The following DPYD variants were observed in gnomAD, a reference collection of about 807,000 sequenced individuals.
DPYD encodes the protein dihydropyrimidine dehydrogenase [NADP(+)].
DPYD carries 109 observed loss-of-function variants against 116.2 expected under a neutral mutation model. The observed-to-expected ratio is 0.94, with a 90% CI of 0.80 to 1.10. The LOEUF (loss-of-function observed/expected upper bound fraction) is 1.10. Among genes scored for constraint, DPYD ranks in the 50% least tolerant of loss-of-function variants. DPYD has a pLI of 0.00. For missense variants in DPYD, 1,302 were observed against 1,254.5 expected, an observed-to-expected ratio of 1.04 and a Z score of -0.57; for synonymous variants, 440 against 432.0, an observed-to-expected ratio of 1.02 and a Z score of -0.23.
At chr1:97,769,568 C>T (rs930457162) in intron 3 of DPYD, among the ~76,000 whole-genome samples, 1 of 152,096 alleles carries the variant, frequency 6.6e-6, no homozygotes, top group South Asian at 2.1e-4. Flanking sequence ...AGGACAAGAT[C>T]TCAGAACTAG....
intron 2 of DPYD, among the ~76,000 whole-genome samples, chr1:97,876,256 G>A (rs1020328136): frequency 5.3e-5 from 8 of 152,052 alleles, no homozygotes; most frequent in African/African-American, 1.9e-4. Context: ...CATCTGGGTC[G>A]CTACTGCGGT....
chr1:97,839,163 C>T (rs374434016), intron 2 of DPYD, among the ~76,000 whole-genome samples: 10 of 152,296 alleles, frequency 6.6e-5, no homozygotes, highest in African/African-American at 1.9e-4. Flanking sequence ...TATTAACCTT[C>T]CTTCCTTTCA....
intron 3 of DPYD, among the ~76,000 whole-genome samples, chr1:97,766,296 A>C (rs1259055020): frequency 1.3e-5 from 2 of 152,048 alleles, no homozygotes; most frequent in Non-Finnish European, 2.9e-5. Flanking sequence ...AAGATAATAT[A>C]CCTAATGGAT....
chr1:97,391,224 G>A (rs997415249), intron 14 of DPYD, among the ~76,000 whole-genome samples: 2 of 151,820 alleles, frequency 1.3e-5, no homozygotes, highest in Non-Finnish European at 2.9e-5. Context: ...TCTCGAAAGT[G>A]TATACCTCTA....
At chr1:97,298,455 T>C (rs1438690552) in intron 18 of DPYD, among the ~76,000 whole-genome samples, 2 of 152,182 alleles carry the variant, frequency 1.3e-5, no homozygotes, top group African/African-American at 4.8e-5. Context: ...GTTTACAAGT[T>C]AAATAAAAAT....
At chr1:97,801,941 CTT>C (rs1366970904) in intron 3 of DPYD, among the ~76,000 whole-genome samples, 2 of 151,642 alleles carry the variant, frequency 1.3e-5, no homozygotes, top group East Asian at 3.9e-4. Flanking sequence ...TTCATACAAA[CTT>C]AACATATCTC....
chr1:97,903,406 T>C (rs1041481002), intron 1 of DPYD, among the ~76,000 whole-genome samples: 2 of 151,918 alleles, frequency 1.3e-5, no homozygotes, highest in African/African-American at 2.4e-5. Flanking sequence ...TAGAAACGTA[T>C]GTAAATGGTG....
chr1:97,563,364 G>A (rs977459446), intron 11 of DPYD, among the ~76,000 whole-genome samples: 8 of 152,070 alleles, frequency 5.3e-5, no homozygotes, highest in South Asian at 2.1e-4. Context: ...TACACTCACC[G>A]TATCTATTAC....
chr1:97,438,068 A>G (rs145400484), intron 14 of DPYD, among the ~76,000 whole-genome samples: 325 of 152,156 alleles, frequency 2.1e-3, no homozygotes, highest in Non-Finnish European at 3.8e-3. Flanking sequence ...TGTAGGACTT[A>G]CTATTCTGCC....
intron 15 of DPYD, among the ~76,000 whole-genome samples, chr1:97,379,863 G>A (rs1233860529): frequency 6.6e-6 from 1 of 152,190 alleles, no homozygotes; most frequent in East Asian, 1.9e-4. Flanking sequence ...GAGAGAATGG[G>A]TGATTCTATC....
chr1:97,350,920 G>A (rs1362184524), intron 16 of DPYD, among the ~76,000 whole-genome samples: 1 of 152,112 alleles, frequency 6.6e-6, no homozygotes, highest in East Asian at 1.9e-4. Context: ...GTAATGAAAT[G>A]AATGAAACTC....
intron 19 of DPYD, among the ~76,000 whole-genome samples, chr1:97,211,960 C>T (rs1417677771): frequency 6.6e-6 from 1 of 152,068 alleles, no homozygotes; most frequent in Non-Finnish European, 1.5e-5. Context: ...GATTTTTCTC[C>T]ACTATGAATC....
In DPYD at chr1:97,902,320, T is replaced by C. The variant is rs533276833; in HGVS notation, c.39+18564A>G. Among the ~76,000 whole-genome samples the C allele has an allele frequency of 5.9e-5, 9 of 151,868 alleles. No individual in the cohort carries two copies. In the East Asian group the frequency reaches 1.8e-3, roughly 30 times the overall value. ...ACTACAATGAGGCTCCTGAATACTTTGAATTATCCATGACTTTACATTGCC... is the reference window on the plus strand; with the variant it reads ...ACTACAATGAGGCTCCTGAATACTTCGAATTATCCATGACTTTACATTGCC... On this transcript the variant is annotated intron_variant, in intron 1 of 22. Coordinates refer to ENST00000370192, the MANE Select transcript of DPYD (RefSeq NM_000110.4).
chr1:97,403,093 G>C (rs1484613476), intron 14 of DPYD, among the ~76,000 whole-genome samples: 1 of 152,054 alleles, frequency 6.6e-6, no homozygotes, highest in African/African-American at 2.4e-5. Flanking sequence ...TTTGCTGTCA[G>C]TGCAATTATT....
rs1281118733 is a variant in DPYD, at chr1:97,585,942, A to G, written c.1128+7276T>C. 6 of 123,642 alleles carry G rather than the reference A, an allele frequency of 4.9e-5. No homozygotes were observed. The South Asian group carries it at 9.5e-4, about 20-fold the overall frequency. 7.7% of individuals were successfully genotyped at this position (123,642 alleles called of 1,614,324 possible). Reference sequence around the variant, plus strand: ...TTTCAATGCACCTTCCCATGTTCACAGAACAATTATGTCTTCCCTCTTTCC... The same window carrying G: ...TTTCAATGCACCTTCCCATGTTCACGGAACAATTATGTCTTCCCTCTTTCC... On this transcript the variant is annotated intron_variant, in intron 10 of 22. Coordinates refer to ENST00000370192, the MANE Select transcript of DPYD (RefSeq NM_000110.4).
At chr1:97,385,008 G>C (rs775119307) in intron 14 of DPYD, among the ~76,000 whole-genome samples, 24 of 152,062 alleles carry the variant, frequency 1.6e-4, no homozygotes, top group Non-Finnish European at 2.5e-4. Context: ...GAATTGGGGA[G>C]AAAAATGTAA....
chr1:97,587,780 C>T (rs947462738), intron 10 of DPYD, among the ~76,000 whole-genome samples: 1 of 148,220 alleles, frequency 6.7e-6, no homozygotes, highest in Non-Finnish European at 1.5e-5. Context: ...GTCGAGATCG[C>T]GCCACTGCAC....
intron 19 of DPYD, among the ~76,000 whole-genome samples, chr1:97,208,274 CTTCT>C (rs1659797627): frequency 9.1e-6 from 1 of 109,770 alleles, no homozygotes; most frequent in African/African-American, 3.4e-5. Flanking sequence ...CTTTTTCTTT[CTTCT>C]TTCTCTCTCT....
intron 14 of DPYD, among the ~76,000 whole-genome samples, chr1:97,415,213 CACAT>C (rs369630366): frequency 1.6e-4 from 25 of 152,318 alleles, no homozygotes; most frequent in African/African-American, 5.5e-4. Flanking sequence ...ACTATCAACA[CACAT>C]AGTTTTCAGA....
Sources: gnomAD v4.1 joint callset for allele counts (sites outside exome capture counted in the v4.1 genomes callset) on GRCh38, gnomAD v4.1.1 for gene constraint, MANE v1.5 for transcripts, NCBI Gene and HGNC (gene_info 2026-07-23, HGNC 2026-07-21) for gene names.